The following ITFG1 variants were observed in gnomAD, a reference collection of about 807,000 sequenced individuals.
The protein encoded by ITFG1 is integrin alpha FG-GAP repeat containing 1.
A neutral mutation model predicts 81.8 loss-of-function variants in ITFG1; 34 were observed. The observed-to-expected ratio is 0.42, with a 90% CI of 0.32 to 0.55. ITFG1 has a LOEUF of 0.55. ITFG1 is among the 20% of genes least tolerant of loss of function. The pLI is 0.17. For synonymous variants in ITFG1, 285 were observed against 270.6 expected, an observed-to-expected ratio of 1.05 and a Z score of -0.52; for missense variants, 672 against 755.4, an observed-to-expected ratio of 0.89 and a Z score of 1.29.
intron 6 of ITFG1, among the ~76,000 whole-genome samples, chr16:47,422,271 C>A (rs182526275): frequency 6.6e-6 from 1 of 152,244 alleles, no homozygotes; most frequent in East Asian, 1.9e-4. Flanking sequence ...CCACAATGGT[C>A]GAACTAACTT....
upstream of ITFG1, chr16:47,461,148 G>T: frequency 2.5e-6 from 3 of 1,181,376 alleles, no homozygotes; most frequent in South Asian, 1.6e-5. Flanking sequence ...CCCGGGACGC[G>T]TAAGAGCCGC....
intron 10 of ITFG1, among the ~76,000 whole-genome samples, chr16:47,278,756 A>C (rs1010359172): frequency 6.6e-6 from 1 of 152,212 alleles, no homozygotes; most frequent in African/African-American, 2.4e-5. Context: ...ACCATATGTG[A>C]AGGGAAAATA....
chr16:47,396,454 A>G (rs1968594364), intron 6 of ITFG1, among the ~76,000 whole-genome samples: 1 of 152,004 alleles, frequency 6.6e-6, no homozygotes, highest in Non-Finnish European at 1.5e-5. Flanking sequence ...TATGAGAAAG[A>G]ACACAATGAG....
chr16:47,246,643 C>A (rs995090684), intron 12 of ITFG1, among the ~76,000 whole-genome samples: 1 of 152,086 alleles, frequency 6.6e-6, no homozygotes, highest in African/African-American at 2.4e-5. Context: ...ACTCAGACTG[C>A]GTGGGTTCTG....
intron 6 of ITFG1, among the ~76,000 whole-genome samples, chr16:47,400,640 T>C (rs140594113): frequency 6.6e-6 from 1 of 152,098 alleles, no homozygotes; most frequent in Non-Finnish European, 1.5e-5. Context: ...TTCTGGGGGC[T>C]TCCCAGAAAA....
intron 12 of ITFG1, among the ~76,000 whole-genome samples, chr16:47,241,898 GAGCTGAGATCGC>G (rs900010331): frequency 6.6e-6 from 1 of 151,238 alleles, no homozygotes; most frequent in Non-Finnish European, 1.5e-5. Flanking sequence ...AGCTTGCAGT[GAGCTGAGATCGC>G]GCCACTGCTC....
intron 5 of ITFG1, among the ~76,000 whole-genome samples, chr16:47,442,885 G>A (rs562922489): frequency 1.3e-5 from 2 of 152,276 alleles, no homozygotes; most frequent in South Asian, 4.1e-4. Flanking sequence ...GGCAACAAAA[G>A]CCAAAATTGA....
intron 14 of ITFG1, among the ~76,000 whole-genome samples, chr16:47,216,214 T>C (rs1432035038): frequency 6.6e-6 from 1 of 152,202 alleles, no homozygotes; most frequent in African/African-American, 2.4e-5. Context: ...TTTTTTTTTT[T>C]TCTGAGACGG....
intron 10 of ITFG1, among the ~76,000 whole-genome samples, chr16:47,293,280 T>C (rs187785908): frequency 5.5e-4 from 83 of 151,058 alleles, no homozygotes; most frequent in Non-Finnish European, 1.0e-3. Flanking sequence ...GTTGATTACA[T>C]ATCTTTGCTA....
Position 47,368,498 on chromosome 16 carries a change from G to C in ITFG1, c.721-2629C>G, listed in dbSNP as rs188794740. Among the ~76,000 whole-genome samples the C allele has an allele frequency of 3.7e-3, 450 of 120,892 alleles. 1 individual carries two copies. Among genetic ancestry groups the C allele is most frequent in the Non-Finnish European group, 6.2e-3 (393 of 63,070 alleles). The allele number at this position is 120,892 out of a possible 152,430, so 79.3% of individuals were successfully genotyped here. A position where few individuals can be genotyped will look rare whatever the true frequency, so the allele number is the denominator to read the frequency against. On this transcript the variant is annotated intron_variant, in intron 7 of 17. Coordinates refer to ENST00000320640, the MANE Select transcript of ITFG1 (RefSeq NM_030790.5). ...TGAACCTGGGAGGTGGAGCAAGCAA[G>C]TGAGCCAAGACTGAGTCACTGTACT...
chr16:47,233,269 GAGAC>G (rs1965836597), intron 13 of ITFG1, among the ~76,000 whole-genome samples: 1 of 152,188 alleles, frequency 6.6e-6, no homozygotes, highest in Non-Finnish European at 1.5e-5. Context: ...GCAAACTGGA[GAGAC>G]AGACAGGTGG....
At chr16:47,425,420 C>A (rs1279475795) in intron 6 of ITFG1, among the ~76,000 whole-genome samples, 2 of 152,118 alleles carry the variant, frequency 1.3e-5, no homozygotes, top group African/African-American at 2.4e-5. Flanking sequence ...CGACACCCCA[C>A]CCTGCTTCAG....
At chr16:47,432,778 C>T (rs1429791638) in intron 5 of ITFG1, among the ~76,000 whole-genome samples, 15 of 152,210 alleles carry the variant, frequency 9.9e-5, no homozygotes, top group Non-Finnish European at 2.2e-4. Flanking sequence ...CACTTATATC[C>T]AATTTAATAA....
At chr16:47,350,591 C>T (rs1265256882) in intron 8 of ITFG1, among the ~76,000 whole-genome samples, 1 of 151,970 alleles carries the variant, frequency 6.6e-6, no homozygotes, top group African/African-American at 2.4e-5. Context: ...CAACCAAAAA[C>T]AGTCCAGGAC....
intron 5 of ITFG1, chr16:47,450,155 T>G (rs1327298143): frequency 1.2e-5 from 2 of 170,018 alleles, no homozygotes; most frequent in Admixed American, 6.3e-5. Context: ...GCACCCCACC[T>G]GCACTCAATT....
At chr16:47,241,531 G>T (rs550861150) in intron 12 of ITFG1, among the ~76,000 whole-genome samples, 2 of 152,220 alleles carry the variant, frequency 1.3e-5, no homozygotes, top group Non-Finnish European at 2.9e-5. Flanking sequence ...TATGCTAAGT[G>T]TAAGAAGCCA....
intron 14 of ITFG1, among the ~76,000 whole-genome samples, chr16:47,201,207 ATTT>A (rs765492131): frequency 2.9e-5 from 4 of 139,788 alleles, no homozygotes; most frequent in East Asian, 2.0e-4. Flanking sequence ...ATTTAGGAGA[ATTT>A]TTTTTTTTTT....
chr16:47,297,440 T>C (rs1328065219), intron 10 of ITFG1, among the ~76,000 whole-genome samples: 1 of 152,210 alleles, frequency 6.6e-6, no homozygotes, highest in Non-Finnish European at 1.5e-5. Flanking sequence ...TATTTTATAC[T>C]TTCCCGCACT....
chr16:47,365,511 C>A, intron 8 of ITFG1: 1 of 315,700 alleles, frequency 3.2e-6, no homozygotes, highest in Non-Finnish European at 5.8e-6. Flanking sequence ...ACCTGGAATT[C>A]TCTAGAAAAA....
Sources: gnomAD v4.1 joint callset for allele counts (sites outside exome capture counted in the v4.1 genomes callset) on GRCh38, gnomAD v4.1.1 for gene constraint, MANE v1.5 for transcripts, NCBI Gene and HGNC (gene_info 2026-07-23, HGNC 2026-07-21) for gene names.